The following FGF13 variants were observed in gnomAD, a reference collection of about 807,000 sequenced individuals.
The protein encoded by FGF13 is fibroblast growth factor 13.
In FGF13, 2 loss-of-function variants were observed where a neutral mutation model predicts 19.5. The ratio of observed to expected loss-of-function variants is 0.10; its 90% CI spans 0.04 to 0.32. The LOEUF (loss-of-function observed/expected upper bound fraction) is 0.32. Among genes scored for constraint, FGF13 ranks in the 10% least tolerant of loss-of-function variants. The pLI is 1.00. For synonymous variants in FGF13, 72 were observed against 76.9 expected, an observed-to-expected ratio of 0.94 and a Z score of 0.33; for missense variants, 113 against 192.7, an observed-to-expected ratio of 0.59 and a Z score of 2.45.
intron 1 of FGF13, among the ~76,000 whole-genome samples, chrX:139,030,140 T>C (rs1218658726): frequency 1.8e-5 from 2 of 111,518 alleles, no homozygotes; most frequent in Admixed American, 9.5e-5. Flanking sequence ...GGGAGAACCA[T>C]GGCAAAAATC....
intron 1 of FGF13, among the ~76,000 whole-genome samples, chrX:139,020,517 TCACC>T (rs1428342351): frequency 9.0e-6 from 1 of 111,071 alleles, no homozygotes; most frequent in Non-Finnish European, 1.9e-5. Flanking sequence ...CTACTTTCCA[TCACC>T]CACTCCGTAT....
At chrX:139,152,062 C>T (rs1022283841) in intron 1 of FGF13, among the ~76,000 whole-genome samples, 3 of 111,179 alleles carry the variant, frequency 2.7e-5, no homozygotes, top group Non-Finnish European at 5.7e-5. Context: ...ATCTCCATTG[C>T]CTGAATGAGA....
chrX:139,200,490 G>A (rs910060387), intron 1 of FGF13, among the ~76,000 whole-genome samples: 2 of 112,008 alleles, frequency 1.8e-5, no homozygotes, highest in Non-Finnish European at 3.8e-5. Flanking sequence ...TACAACAGCA[G>A]CTGTACAAGT....
intron 1 of FGF13, among the ~76,000 whole-genome samples, chrX:138,915,037 T>A (rs750914691): frequency 9.1e-6 from 1 of 110,393 alleles, no homozygotes; most frequent in East Asian, 2.9e-4. Flanking sequence ...TTCCAGGGAG[T>A]TGACATTCCT....
intron 1 of FGF13, among the ~76,000 whole-genome samples, chrX:139,175,523 T>A (rs2084173768): frequency 8.9e-6 from 1 of 112,237 alleles, no homozygotes; most frequent in African/African-American, 3.2e-5. Context: ...TTCAGTATGA[T>A]ATTGGCTGTG....
intron 1 of FGF13, among the ~76,000 whole-genome samples, chrX:139,060,038 T>C: frequency 8.9e-6 from 1 of 111,875 alleles, no homozygotes; most frequent in East Asian, 2.8e-4. Flanking sequence ...CACCACTTGG[T>C]ATTATTCTGC....
At chrX:138,886,091 T>A (rs1308265605) in intron 1 of FGF13, among the ~76,000 whole-genome samples, 1 of 111,968 alleles carries the variant, frequency 8.9e-6, no homozygotes, top group Admixed American at 9.5e-5. Context: ...GTTTTGAGAA[T>A]GAAAATACTT....
chrX:138,766,657 A>G (rs2090504366), intron 3 of FGF13, among the ~76,000 whole-genome samples: 1 of 111,859 alleles, frequency 8.9e-6, no homozygotes, highest in Non-Finnish European at 1.9e-5. Context: ...CAAATTAAGG[A>G]GTCTATTTTT....
At chrX:138,742,525 C>G (rs1303454670), upstream of FGF13, among the ~76,000 whole-genome samples, 5 of 110,553 alleles carry the variant, frequency 4.5e-5, no homozygotes, top group African/African-American at 6.6e-5. Flanking sequence ...TGCCAATTGA[C>G]GAATAATACC....
At chrX:138,994,595 T>A (rs925960399) in intron 1 of FGF13, among the ~76,000 whole-genome samples, 5 of 111,684 alleles carry the variant, frequency 4.5e-5, no homozygotes, top group African/African-American at 1.6e-4. Context: ...TTACAGATAT[T>A]ATAAATTATA....
rs912761777 is a variant in FGF13, at chrX:138,629,148, A to C, written c.*3702T>G. The C allele has an allele frequency of 2.7e-5, 3 of 111,741 alleles. No individual in the cohort carries two copies. Among genetic ancestry groups the C allele is most frequent in the African/African-American group, 9.8e-5 (3 of 30,714 alleles). 9.2% of individuals were successfully genotyped at this position (111,741 alleles called of 1,213,427 possible). On this transcript the variant is annotated 3_prime_UTR_variant, in exon 5 of 5. Transcript: ENST00000315930. ...GCCAAGCTTAAAACAAAAGAAGCAT[A>C]TAAAACACCACAGGTGATTCAGGTA...
chrX:139,074,731 C>A (rs1331772696), intron 1 of FGF13, among the ~76,000 whole-genome samples: 1 of 112,255 alleles, frequency 8.9e-6, no homozygotes. Context: ...CTGGAAGTCT[C>A]CGCCCCCTTC....
At chrX:139,071,817 A>T (rs1477565249) in intron 1 of FGF13, among the ~76,000 whole-genome samples, 1 of 109,086 alleles carries the variant, frequency 9.2e-6, no homozygotes, top group African/African-American at 3.3e-5. Flanking sequence ...AGAGATCAAG[A>T]CCATCCTGGC....
intron 1 of FGF13, among the ~76,000 whole-genome samples, chrX:139,130,985 A>T (rs2083756001): frequency 9.0e-6 from 1 of 111,706 alleles, no homozygotes; most frequent in Non-Finnish European, 1.9e-5. Context: ...ATAAATTTGT[A>T]AGTGGAATGA....
intron 3 of FGF13, among the ~76,000 whole-genome samples, chrX:138,815,360 G>A (rs754404526): frequency 2.7e-5 from 3 of 110,811 alleles, no homozygotes; most frequent in Non-Finnish European, 3.8e-5. Flanking sequence ...AAGTATATAA[G>A]GTAATACATA....
chrX:138,620,700 G>C lies in FGF13; in HGVS notation c.*12150C>G, dbSNP rs1385844356. ...TCAAAAGACAGTGAGTGGCTGAATG[G>C]ATGAAAAAGGAAGAACTAAGTACTT... On this transcript the variant is annotated 3_prime_UTR_variant, in exon 5 of 5. Transcript: ENST00000315930. The C allele has an allele frequency of 2.7e-5, 3 of 111,468 alleles. No individual in the cohort carries two copies. In the Admixed American group the frequency reaches 2.9e-4, roughly 11 times the overall value. The allele number at this position is 111,468 out of a possible 1,213,427, so 9.2% of individuals were successfully genotyped here.
chrX:138,775,657 T>C (rs1435445652), intron 3 of FGF13, among the ~76,000 whole-genome samples: 1 of 112,355 alleles, frequency 8.9e-6, no homozygotes, highest in East Asian at 2.8e-4. Context: ...CAGTTCTCAC[T>C]GGCGACTCTT....
chrX:138,811,080 C>T (rs1286251327), intron 3 of FGF13, among the ~76,000 whole-genome samples: 2 of 112,022 alleles, frequency 1.8e-5, no homozygotes, highest in Non-Finnish European at 3.8e-5. Flanking sequence ...TTTGACGCAG[C>T]CATCCCATTA....
chrX:138,967,297 G>A (rs988955338), intron 1 of FGF13, among the ~76,000 whole-genome samples: 1 of 111,473 alleles, frequency 9.0e-6, no homozygotes, highest in Non-Finnish European at 1.9e-5. Flanking sequence ...GAAAATTAAC[G>A]AATACCATTT....
Sources: gnomAD v4.1 joint callset for allele counts (sites outside exome capture counted in the v4.1 genomes callset) on GRCh38, gnomAD v4.1.1 for gene constraint, MANE v1.5 for transcripts, NCBI Gene and HGNC (gene_info 2026-07-23, HGNC 2026-07-21) for gene names.